Variants in HNRNPUL1 observed in about 807,000 individuals in gnomAD.
The protein encoded by HNRNPUL1 is heterogeneous nuclear ribonucleoprotein U like 1, also known as heterogeneous nuclear ribonucleoprotein U-like protein 1.
In HNRNPUL1, 14 loss-of-function variants were observed where a neutral mutation model predicts 108.5. That is an observed-to-expected ratio of 0.13 (90% confidence interval 0.09 to 0.20). The LOEUF is 0.20. Among genes scored for constraint, HNRNPUL1 ranks in the 10% least tolerant of loss-of-function variants. The pLI is 1.00. For synonymous variants in HNRNPUL1, 422 were observed against 445.2 expected, an observed-to-expected ratio of 0.95 and a Z score of 0.66; for missense variants, 804 against 1,168.3, an observed-to-expected ratio of 0.69 and a Z score of 4.55.
At chr19:41,289,533 G>A (rs1238492837) in intron 7 of HNRNPUL1, among the ~76,000 whole-genome samples, 2 of 152,080 alleles carry the variant, frequency 1.3e-5, no homozygotes, top group African/African-American at 4.8e-5. Flanking sequence ...ACTGACACAG[G>A]AGTGTTTCAG....
At chr19:41,282,692 CTTTTTTTTTT>C (rs57909999) in intron 7 of HNRNPUL1, among the ~76,000 whole-genome samples, 2 of 141,448 alleles carry the variant, frequency 1.4e-5, no homozygotes, top group African/African-American at 5.2e-5. Context: ...TTCTTTTTTT[CTTTTTTTTTT>C]TTTTTGAGAC....
At chr19:41,282,717 T>G (rs1447386607) in intron 7 of HNRNPUL1, among the ~76,000 whole-genome samples, 2 of 146,836 alleles carry the variant, frequency 1.4e-5, no homozygotes, top group African/African-American at 5.0e-5. Context: ...TGAGACGGAG[T>G]CTCGCTCTGT....
rs1022092301 is a variant in HNRNPUL1, at chr19:41,264,530, C to T, written c.27C>T (p.Asn9=). 3.4e-6 allele frequency: 5 copies of T among 1,473,292 alleles called. No homozygotes were observed. Among genetic ancestry groups the T allele is most frequent in the East Asian group, 2.7e-5 (1 of 36,722 alleles). 91.3% of individuals were successfully genotyped at this position (1,473,292 alleles called of 1,614,324 possible). MDVRRLKV[N]ELREELQRRG... ...TGGATGTGCGCCGTCTGAAGGTGAA[C>T]GAACTTCGCGAGGAGCTGCAGCGCC... The change falls in exon 1 of 15, where the codon AAC becomes AAT. Residue 9 remains asparagine (N), a synonymous_variant. Coordinates refer to ENST00000392006, the MANE Select transcript of HNRNPUL1 (RefSeq NM_007040.6).
chr19:41,269,291 C>A (rs2035061655), intron 2 of HNRNPUL1, among the ~76,000 whole-genome samples: 1 of 151,522 alleles, frequency 6.6e-6, no homozygotes, highest in African/African-American at 2.4e-5. Context: ...CATAGTGAGA[C>A]CCCTTCTCTA....
intron 7 of HNRNPUL1, among the ~76,000 whole-genome samples, chr19:41,287,917 A>G (rs189530580): frequency 2.6e-5 from 4 of 152,280 alleles, no homozygotes; most frequent in Non-Finnish European, 5.9e-5. Context: ...TACTCTACAA[A>G]TTGTTCGGTT....
chr19:41,264,614 G>T lies in HNRNPUL1; in HGVS notation c.111G>T (p.Leu37Phe). The change falls in exon 1 of 15, where the codon TTG becomes TTT. Residue 37 changes from leucine to phenylalanine, a missense_variant. This residue lies in a region of HNRNPUL1 where 256 missense variants were observed against 261.6 expected (regional missense o/e 0.98). Coordinates refer to ENST00000392006, the MANE Select transcript of HNRNPUL1 (RefSeq NM_007040.6). ...TTGCTGAGCGGCTGCAGGCGGCGTTGGAGGCCGAGGAGCCTGACGACGAGC... is the reference window on the plus strand; with the variant it reads ...TTGCTGAGCGGCTGCAGGCGGCGTTTGAGGCCGAGGAGCCTGACGACGAGC... ...AELAERLQAA[L>F]EAEEPDDERE... 1.3e-6 allele frequency: 2 copies of T among 1,581,060 alleles called. No homozygotes were observed. Among genetic ancestry groups the T allele is most frequent in the East Asian group, 2.3e-5 (1 of 43,364 alleles).
In HNRNPUL1 at chr19:41,292,569, C is replaced by T; in HGVS notation, c.1266+58C>T. 7.5e-7 allele frequency: 1 copy of T among 1,336,068 alleles called. No homozygotes were observed. The allele number at this position is 1,336,068 out of a possible 1,614,324, so 82.8% of individuals were successfully genotyped here. ...TTGCTGCCAAGACAGAGGAGACACA[C>T]ACACACACACACACACAGACTTGCT... On this transcript the variant is annotated intron_variant, in intron 8 of 14. Coordinates refer to ENST00000392006, the MANE Select transcript of HNRNPUL1 (RefSeq NM_007040.6). The surrounding 1 kb of genome is among the most constrained non-coding windows in gnomAD (Gnocchi z 4.1).
chr19:41,268,516 A>C (rs1212319925), intron 2 of HNRNPUL1, among the ~76,000 whole-genome samples, 171 bp downstream of exon 2: 2 of 152,126 alleles, frequency 1.3e-5, no homozygotes, highest in East Asian at 3.9e-4. Context: ...TCTCAGTCCT[A>C]TTTCCAAGTG....
In HNRNPUL1 at chr19:41,268,290, G is replaced by A. The variant is rs1208638713; in HGVS notation, c.363G>A (p.Glu121=). Reference sequence around the variant, plus strand: ...CCCAAGTCATCAAACAAGAAAACGAGTCAGGCTACGAGAGGAGACCACTGG... The same window carrying A: ...CCCAAGTCATCAAACAAGAAAACGAATCAGGCTACGAGAGGAGACCACTGG... ...YDTQVIKQEN[E]SGYERRPLEM... The change falls in exon 2 of 15, where the codon GAG becomes GAA. Residue 121 remains glutamate (E), a synonymous_variant. Transcript: ENST00000392006. The A allele has an allele frequency of 6.2e-7, 1 of 1,614,048 alleles. No homozygotes were observed. Among genetic ancestry groups the A allele is most frequent in the South Asian group, 1.1e-5 (1 of 91,080 alleles).
rs1262538100 is a variant in HNRNPUL1, at chr19:41,292,542, C to T, written c.1266+31C>T. 1 of 1,595,000 alleles carries T rather than the reference C, an allele frequency of 6.3e-7. No homozygotes were observed. The highest frequency in any genetic ancestry group is 8.6e-7 in the Non-Finnish European group (1 of 1,166,160). ...TGGGGCCAGAATGTATTGGTGGCCA[C>T]CTTGCTGCCAAGACAGAGGAGACAC... On this transcript the variant is annotated intron_variant, in intron 8 of 14. Transcript: ENST00000392006. The surrounding 1 kb of genome is among the most constrained non-coding windows in gnomAD (Gnocchi z 4.1).
chr19:41,273,413 A>C (rs1317159604), intron 3 of HNRNPUL1, among the ~76,000 whole-genome samples: 1 of 152,084 alleles, frequency 6.6e-6, no homozygotes, highest in East Asian at 1.9e-4. Flanking sequence ...TCGTTCCTGT[A>C]CAGCAGAAAC....
rs751907931 is a variant in HNRNPUL1, at chr19:41,272,128, G to A, written c.465G>A (p.Pro155=). 33 of 1,614,044 alleles carry A rather than the reference G, an allele frequency of 2.0e-5. No individual in the cohort carries two copies. Among genetic ancestry groups the A allele is most frequent in the Middle Eastern group, 1.7e-4 (1 of 6,060 alleles). ...AAGGAGCACCCACCAGCTTCCTCCC[G>A]CCTGAAGCTTCTCAACTCAAGCCAG... The part of the protein sequence containing the change: ...MKQGAPTSFL[P]PEASQLKPDR... The change falls in exon 3 of 15, where the codon CCG becomes CCA. Residue 155 remains proline (P), a synonymous_variant. Coordinates refer to ENST00000392006, the MANE Select transcript of HNRNPUL1 (RefSeq NM_007040.6).
Position 41,303,684 on chromosome 19 carries a change from C to T in HNRNPUL1, c.1973-288C>T, listed in dbSNP as rs143714445. Among the ~76,000 whole-genome samples the T allele has an allele frequency of 8.2e-3, 1,252 of 152,284 alleles. 4 individuals carry two copies. Among genetic ancestry groups the T allele is most frequent in the Non-Finnish European group, 0.012 (810 of 68,016 alleles). ...CCTCTCCTTGAGCATCTCCTTCCTG[C>T]ATATTCAACAGCTATTGAGATGCTG... On this transcript the variant is annotated intron_variant, in intron 12 of 14. Coordinates refer to ENST00000392006, the MANE Select transcript of HNRNPUL1 (RefSeq NM_007040.6).
At chr19:41,277,553 C>T (rs965613281) in intron 5 of HNRNPUL1, among the ~76,000 whole-genome samples, 1 of 152,194 alleles carries the variant, frequency 6.6e-6, no homozygotes, top group African/African-American at 2.4e-5. Flanking sequence ...GTTGTCCAGG[C>T]TGGAGTGCAG....
chr19:41,304,728 G>A lies in HNRNPUL1; in HGVS notation c.2262+467G>A, dbSNP rs117575156. On this transcript the variant is annotated intron_variant, in intron 13 of 14. Transcript: ENST00000392006. ...GAGCTTCAATCCTGAGCAGCTCCAG[G>A]CTCAGTTCCCATTCTTGGAAAGCCA... Among the ~76,000 whole-genome samples, 1,433 of 152,300 alleles carry A rather than the reference G, an allele frequency of 9.4e-3. 9 individuals are homozygous for A. The highest frequency in any genetic ancestry group is 0.014 in the Non-Finnish European group (943 of 68,022).
At chr19:41,279,290 G>A (rs1233821338) in intron 6 of HNRNPUL1, 114 bp downstream of exon 6, 1 of 703,644 alleles carries the variant, frequency 1.4e-6, no homozygotes, top group Non-Finnish European at 2.5e-6. Context: ...GAACTAGGCT[G>A]AAGTGGAACA....
intron 5 of HNRNPUL1, among the ~76,000 whole-genome samples, chr19:41,277,352 G>C (rs1237715258): frequency 6.6e-6 from 1 of 152,154 alleles, no homozygotes; most frequent in Non-Finnish European, 1.5e-5. Flanking sequence ...AACAGGTACT[G>C]TTAGCCCCAG....
intron 1 of HNRNPUL1, chr19:41,265,311 G>A (rs1212063247): frequency 6.6e-7 from 1 of 1,512,494 alleles, no homozygotes; most frequent in African/African-American, 1.4e-5. Context: ...GGAATATGCC[G>A]CTGGATGCGA....
Position 41,290,555 on chromosome 19 carries a change from A to G in HNRNPUL1, c.1000-1690A>G, listed in dbSNP as rs547567052. Among the ~76,000 whole-genome samples the G allele has an allele frequency of 4.6e-5, 7 of 152,306 alleles. No homozygotes were observed. In the East Asian group the frequency reaches 7.7e-4, roughly 17 times the overall value. On this transcript the variant is annotated intron_variant, in intron 7 of 14. Transcript: ENST00000392006. ...AGTCCCAGCCCCTTATTTCTAGCAC[A>G]GTGCCTGACATTTTGCAGTGATAGC...
Sources: allele counts gnomAD v4.1 joint callset (sites outside exome capture counted in the v4.1 genomes callset), GRCh38; gene constraint gnomAD v4.1.1; regional missense constraint gnomAD v4.1.1; non-coding constraint Gnocchi (gnomAD v3.1); transcripts MANE v1.5; gene names NCBI Gene and HGNC (gene_info 2026-07-23, HGNC 2026-07-21).